The following PALLD variants were observed in gnomAD, a reference collection of about 807,000 sequenced individuals.
The protein encoded by PALLD is palladin, cytoskeletal associated protein.
Under a neutral mutation model 123.5 loss-of-function variants are expected in PALLD, and 61 were observed. The observed-to-expected ratio is 0.49, with a 90% confidence interval of 0.40 to 0.61. The LOEUF is 0.61. Among genes scored for constraint, PALLD ranks in the 20% least tolerant of loss-of-function variants. The probability of loss-of-function intolerance (pLI) is 0.00; values close to 1 mark genes in which losing one functional copy is unlikely to be tolerated. For missense variants in PALLD, 1,273 were observed against 1,377.0 expected, an observed-to-expected ratio of 0.92 and a Z score of 1.20; for synonymous variants, 465 against 496.4, an observed-to-expected ratio of 0.94 and a Z score of 0.84.
At position 168,878,238 on chromosome 4, in the gene PALLD, C is replaced by T. The variant is rs1436428000; in HGVS notation, c.1965-12684C>T. 5.3e-6 allele frequency: 8 copies of T among 1,521,828 alleles called. No homozygotes were observed. The highest frequency in any genetic ancestry group is 2.2e-4 in the Middle Eastern group (1 of 4,592). The allele number at this position is 1,521,828 out of a possible 1,614,324, so 94.3% of individuals were successfully genotyped here. ...TTCCCACTGCCGCCGCCACCACCGC[C>T]GCTCCCGAGCCCGGGACAGGCGTCC... On this transcript the variant is annotated intron_variant, in intron 10 of 21. Coordinates refer to ENST00000505667, the MANE Select transcript of PALLD (RefSeq NM_001166108.2).
At chr4:168,808,113 A>G (rs999314112) in intron 10 of PALLD, among the ~76,000 whole-genome samples, 3 of 152,076 alleles carry the variant, frequency 2.0e-5, no homozygotes, top group Admixed American at 6.6e-5. Context: ...TATCCCAGTA[A>G]GCCCATGAAA....
chr4:168,596,948 G>T (rs1482886642), intron 2 of PALLD, among the ~76,000 whole-genome samples: 2 of 151,934 alleles, frequency 1.3e-5, no homozygotes, highest in Non-Finnish European at 2.9e-5. Flanking sequence ...TTTTCAAAGT[G>T]TTGTCATCAA....
At chr4:168,671,920 C>A (rs981444496) in intron 3 of PALLD, among the ~76,000 whole-genome samples, 4 of 152,184 alleles carry the variant, frequency 2.6e-5, no homozygotes, top group Non-Finnish European at 5.9e-5. Flanking sequence ...TAACAACCTA[C>A]AAATTAGAAA....
At position 168,709,162 on chromosome 4, in the gene PALLD, A is replaced by G. The variant is rs563846221; in HGVS notation, c.1621+15A>G. On this transcript the variant is annotated intron_variant, in intron 9 of 21. Coordinates refer to ENST00000505667, the MANE Select transcript of PALLD (RefSeq NM_001166108.2). ...TGTCACCTCAGGTATGTGAGGAGTA[A>G]AAAAAATGACTGGGTTCTGTTCCCC... is the stretch of plus-strand genomic sequence containing the variant. 3 of 1,613,224 alleles carry G rather than the reference A, an allele frequency of 1.9e-6. No individual in the cohort carries two copies. In the African/African-American group the frequency reaches 4.0e-5, roughly 22 times the overall value.
intron 2 of PALLD, among the ~76,000 whole-genome samples, chr4:168,600,023 A>G (rs546804811): frequency 6.8e-6 from 1 of 147,790 alleles, no homozygotes; most frequent in East Asian, 1.9e-4. Context: ...ACATGTGTGT[A>G]CACACACATA....
At chr4:168,914,352 C>A (rs185355604) in intron 16 of PALLD, among the ~76,000 whole-genome samples, 4 of 152,310 alleles carry the variant, frequency 2.6e-5, no homozygotes, top group Non-Finnish European at 4.4e-5. Context: ...ATGTTGGAAA[C>A]CAAACTTCTG....
In PALLD at chr4:168,859,235, G is replaced by T. The variant is rs17652336; in HGVS notation, c.1965-31687G>T. 3.3e-4 allele frequency among the ~76,000 whole-genome samples: 50 copies of T among 152,178 alleles called. No individual in the cohort carries two copies. The East Asian group carries it at 9.1e-3, about 28-fold the overall frequency. ...CCTTTTACCCTAAATCTTTGGAGGC[G>T]ACAGCTTCCTCCCCATGACTGATAG... is the stretch of plus-strand genomic sequence containing the variant. On this transcript the variant is annotated intron_variant, in intron 10 of 21. Coordinates refer to ENST00000505667, the MANE Select transcript of PALLD (RefSeq NM_001166108.2).
intron 10 of PALLD, among the ~76,000 whole-genome samples, chr4:168,811,391 T>A (rs1428785272): frequency 6.6e-6 from 1 of 152,190 alleles, no homozygotes; most frequent in African/African-American, 2.4e-5. Flanking sequence ...GATTCTCTTT[T>A]GTCATGAGTA....
chr4:168,674,222 G>A (rs1030223821), intron 3 of PALLD, among the ~76,000 whole-genome samples: 2 of 152,186 alleles, frequency 1.3e-5, no homozygotes, highest in Non-Finnish European at 2.9e-5. Flanking sequence ...GCCTGAACAT[G>A]CTGTGTTTGA....
At chr4:168,613,255 A>T (rs1474437280) in intron 2 of PALLD, among the ~76,000 whole-genome samples, 1 of 152,238 alleles carries the variant, frequency 6.6e-6, no homozygotes, top group African/African-American at 2.4e-5. Flanking sequence ...AAGAAAGTCC[A>T]GGACAAACCC....
Position 168,670,458 on chromosome 4 carries a change from G to C in PALLD, c.1087+2090G>C, listed in dbSNP as rs944540052. On this transcript the variant is annotated intron_variant, in intron 3 of 21. Transcript: ENST00000505667. The stretch of plus-strand genomic sequence containing the variant: ...TTAAAAAAAGCCGGGCGCGGGCCGG[G>C]CGCGGTGGCTCACGCCTGTAATCCC... Among the ~76,000 whole-genome samples the C allele has an allele frequency of 2.0e-5, 3 of 151,962 alleles. No individual in the cohort carries two copies. In the South Asian group the frequency reaches 6.2e-4, roughly 31 times the overall value.
chr4:168,825,035 C>T (rs1743235953), intron 10 of PALLD, among the ~76,000 whole-genome samples: 1 of 151,668 alleles, frequency 6.6e-6, no homozygotes, highest in East Asian at 1.9e-4. Context: ...AGGCTGGTCT[C>T]CAACTCCTGG....
At chr4:168,540,799 G>T (rs1466742771) in intron 2 of PALLD, among the ~76,000 whole-genome samples, 2 of 144,408 alleles carry the variant, frequency 1.4e-5, no homozygotes, top group Non-Finnish European at 3.1e-5. Context: ...TTTTTAGCAG[G>T]TGGGAAGAAA....
intron 10 of PALLD, among the ~76,000 whole-genome samples, chr4:168,831,360 A>G (rs529757227): frequency 1.3e-5 from 2 of 152,280 alleles, no homozygotes; most frequent in African/African-American, 4.8e-5. Context: ...GGATCACAGG[A>G]TAGGATAGGG....
chr4:168,726,828 A>G (rs1786640592), intron 10 of PALLD, among the ~76,000 whole-genome samples: 1 of 152,044 alleles, frequency 6.6e-6, no homozygotes, highest in Non-Finnish European at 1.5e-5. Flanking sequence ...TATTATACCC[A>G]TGTAGTGAAT....
chr4:168,767,634 G>A (rs1377084320), intron 10 of PALLD, among the ~76,000 whole-genome samples: 3 of 145,870 alleles, frequency 2.1e-5, no homozygotes, highest in East Asian at 4.1e-4. Flanking sequence ...CACAACCTCC[G>A]CCTCCCGGGT....
chr4:168,621,296 T>C (rs79883347), intron 2 of PALLD, among the ~76,000 whole-genome samples: 2,825 of 152,324 alleles, frequency 0.019, 35 homozygotes, highest in Non-Finnish European at 0.028. Flanking sequence ...ACTTCTCTCA[T>C]CACTACTAAA....
chr4:168,715,384 T>G (rs1212101192), intron 10 of PALLD, among the ~76,000 whole-genome samples: 1 of 152,232 alleles, frequency 6.6e-6, no homozygotes, highest in Non-Finnish European at 1.5e-5. Context: ...CGAAGTGTGC[T>G]TAAACGCTGC....
intron 2 of PALLD, among the ~76,000 whole-genome samples, chr4:168,651,511 T>C (rs1353953191): frequency 1.3e-5 from 2 of 152,096 alleles, no homozygotes; most frequent in African/African-American, 4.8e-5. Flanking sequence ...CATGTATCAA[T>C]TAAACAAACA....
Sources: allele counts gnomAD v4.1 joint callset (sites outside exome capture counted in the v4.1 genomes callset), GRCh38; gene constraint gnomAD v4.1.1; transcripts MANE v1.5; gene names NCBI Gene and HGNC (gene_info 2026-07-23, HGNC 2026-07-21).